The following CADPS variants were observed in gnomAD, a reference collection of about 807,000 sequenced individuals.
CADPS encodes the protein calcium dependent secretion activator.
CADPS carries 57 observed loss-of-function variants against 167.3 expected under a neutral mutation model. The ratio of observed to expected loss-of-function variants is 0.34; its 90% confidence interval spans 0.28 to 0.42. CADPS has a LOEUF of 0.42. CADPS is among the 20% of genes least tolerant of loss of function. The pLI, the probability that CADPS is intolerant of heterozygous loss-of-function variation, is 1.00. For missense variants in CADPS, 1,414 were observed against 1,738.1 expected, an observed-to-expected ratio of 0.81 and a Z score of 3.32; for synonymous variants, 676 against 635.3, an observed-to-expected ratio of 1.06 and a Z score of -0.96.
intron 1 of CADPS, among the ~76,000 whole-genome samples, chr3:62,849,295 C>A (rs1164961692): frequency 6.8e-6 from 1 of 147,320 alleles, no homozygotes; most frequent in Non-Finnish European, 1.5e-5. Flanking sequence ...TTGCCCTGGC[C>A]AGAACTTCCA....
intron 3 of CADPS, among the ~76,000 whole-genome samples, chr3:62,743,677 ATGT>A (rs1564567135): frequency 2.0e-5 from 3 of 152,296 alleles, no homozygotes; most frequent in Middle Eastern, 3.4e-3. Context: ...TTTGTTAACT[ATGT>A]TTTTAAAAAT....
intron 7 of CADPS, among the ~76,000 whole-genome samples, chr3:62,591,983 G>T (rs2086151949): frequency 6.6e-6 from 1 of 152,138 alleles, no homozygotes; most frequent in African/African-American, 2.4e-5. Context: ...CTTAACTCTT[G>T]TCTTACATTT....
At chr3:62,538,403 C>T (rs2075126721) in intron 11 of CADPS, among the ~76,000 whole-genome samples, 1 of 152,106 alleles carries the variant, frequency 6.6e-6, no homozygotes, top group African/African-American at 2.4e-5. Context: ...TGACATTTCT[C>T]TATCGCCTTT....
chr3:62,599,834 A>AT (rs2059639066), intron 6 of CADPS, among the ~76,000 whole-genome samples: 1 of 2,560 alleles, frequency 3.9e-4, no homozygotes, highest in African/African-American at 5.6e-4. Flanking sequence ...TTATATATAT[A>AT]ATATATTATA....
chr3:62,822,963 G>A (rs946728982), intron 1 of CADPS, among the ~76,000 whole-genome samples: 2 of 152,208 alleles, frequency 1.3e-5, no homozygotes, highest in African/African-American at 2.4e-5. Context: ...AAGGAACCTA[G>A]ATGTCAAGGT....
intron 3 of CADPS, among the ~76,000 whole-genome samples, chr3:62,734,909 G>A (rs1484559331): frequency 6.6e-6 from 1 of 152,074 alleles, no homozygotes; most frequent in Admixed American, 6.6e-5. Context: ...TTGAAACATG[G>A]CTATTTGTAA....
intron 6 of CADPS, among the ~76,000 whole-genome samples, chr3:62,619,524 G>A (rs892755036): frequency 3.9e-5 from 6 of 152,180 alleles, no homozygotes; most frequent in South Asian, 4.2e-4. Flanking sequence ...GTTCCAGCTT[G>A]AAAAAACATG....
chr3:62,501,913 A>G (rs2065835655), intron 17 of CADPS, among the ~76,000 whole-genome samples: 1 of 152,222 alleles, frequency 6.6e-6, no homozygotes, highest in African/African-American at 2.4e-5. Context: ...GTGCACATGT[A>G]CGCAGATATG....
At chr3:62,479,416 T>C (rs1261356107) in intron 22 of CADPS, among the ~76,000 whole-genome samples, 3 of 152,240 alleles carry the variant, frequency 2.0e-5, no homozygotes, top group Non-Finnish European at 4.4e-5. Context: ...TTATAAAATG[T>C]CCAACACACC....
At chr3:62,700,847 A>T (rs528172085) in intron 3 of CADPS, among the ~76,000 whole-genome samples, 1 of 152,240 alleles carries the variant, frequency 6.6e-6, no homozygotes, top group South Asian at 2.1e-4. Context: ...ATCACAAAAT[A>T]CCATAGCCTG....
chr3:62,767,854 C>A (rs2087320290), intron 1 of CADPS, among the ~76,000 whole-genome samples: 1 of 152,030 alleles, frequency 6.6e-6, no homozygotes, highest in African/African-American at 2.4e-5. Context: ...CCAATATAGC[C>A]AAAATAACGT....
chr3:62,533,032 A>G lies in CADPS; in HGVS notation c.2130T>C (p.Phe710=), dbSNP rs772654510. The change falls in exon 13 of 30, where the codon TTT becomes TTC. Residue 710 remains phenylalanine, a synonymous_variant. Transcript: ENST00000383710. Reference sequence around the variant, plus strand: ...TTCGGGCGCAATACTCGTCTAGTACAAACACCTGGCCAGGACTGAACCAGC... The same window carrying G: ...TTCGGGCGCAATACTCGTCTAGTACGAACACCTGGCCAGGACTGAACCAGC... ...CLGWFSPGQV[F]VLDEYCARNG... 1 of 1,613,754 alleles carries G rather than the reference A, an allele frequency of 6.2e-7. No homozygotes were observed. Among genetic ancestry groups the G allele is most frequent in the Admixed American group, 1.7e-5 (1 of 60,008 alleles).
rs912382973 is a variant in CADPS, at chr3:62,851,477, C to T, written c.441+23112G>A. On this transcript the variant is annotated intron_variant, in intron 1 of 29. Transcript: ENST00000383710. Reference sequence around the variant, plus strand: ...TCTTTTAGGGCAGGCCTTGTGGTGACAAAATCTCTCAGCCTTTGCTTGTCT... The same window carrying T: ...TCTTTTAGGGCAGGCCTTGTGGTGATAAAATCTCTCAGCCTTTGCTTGTCT... 4.7e-5 allele frequency among the ~76,000 whole-genome samples: 7 copies of T among 149,782 alleles called. 1 individual carries two copies. Among genetic ancestry groups the T allele is most frequent in the Non-Finnish European group, 8.9e-5 (6 of 67,398 alleles).
At chr3:62,690,905 T>C (rs1261346870) in intron 3 of CADPS, among the ~76,000 whole-genome samples, 5 of 152,014 alleles carry the variant, frequency 3.3e-5, no homozygotes, top group African/African-American at 2.4e-5. Context: ...TATTTGTAAT[T>C]GCTAAAACTT....
At chr3:62,810,791 C>T (rs994227226) in intron 1 of CADPS, among the ~76,000 whole-genome samples, 1 of 152,214 alleles carries the variant, frequency 6.6e-6, no homozygotes, top group African/African-American at 2.4e-5. Flanking sequence ...TTTCCACTCC[C>T]GGTCCACAAG....
chr3:62,768,853 C>T (rs1321417083), intron 1 of CADPS, among the ~76,000 whole-genome samples: 3 of 152,138 alleles, frequency 2.0e-5, no homozygotes, highest in Admixed American at 6.6e-5. Flanking sequence ...TCAGAGAACA[C>T]ACACCGCAAA....
At chr3:62,872,911 G>A (rs972675209) in intron 1 of CADPS, among the ~76,000 whole-genome samples, 1 of 152,168 alleles carries the variant, frequency 6.6e-6, no homozygotes, top group Non-Finnish European at 1.5e-5. Context: ...GATTTTGGAG[G>A]TTGAAGTTCC....
At chr3:62,551,367 C>T (rs757843893) in intron 10 of CADPS, among the ~76,000 whole-genome samples, 1 of 152,176 alleles carries the variant, frequency 6.6e-6, no homozygotes, top group Non-Finnish European at 1.5e-5. Context: ...TAGGACATTA[C>T]CAGAATTTGA....
chr3:62,745,494 A>G (rs2081264225), intron 3 of CADPS, among the ~76,000 whole-genome samples: 1 of 152,228 alleles, frequency 6.6e-6, no homozygotes, highest in African/African-American at 2.4e-5. Flanking sequence ...GGGGCAGTGT[A>G]TGACTTTGAA....
Sources: gnomAD v4.1 joint callset for allele counts (sites outside exome capture counted in the v4.1 genomes callset) on GRCh38, gnomAD v4.1.1 for gene constraint, MANE v1.5 for transcripts, NCBI Gene and HGNC (gene_info 2026-07-23, HGNC 2026-07-21) for gene names.